MACROD2: variants seen among roughly 807,000 people sequenced by gnomAD.
The protein encoded by MACROD2 is mono-ADP ribosylhydrolase 2.
Under a neutral mutation model 70.4 loss-of-function variants are expected in MACROD2, and 36 were observed. That is an observed-to-expected ratio of 0.51 (90% confidence interval 0.39 to 0.68). MACROD2 has a LOEUF of 0.68. Ranked by LOEUF, MACROD2 falls within the 30% of genes least tolerant of loss-of-function variation. The pLI, the probability that MACROD2 is intolerant of heterozygous loss-of-function variation, is 0.00. For synonymous variants in MACROD2, 172 were observed against 178.8 expected, an observed-to-expected ratio of 0.96 and a Z score of 0.30; for missense variants, 496 against 538.4, an observed-to-expected ratio of 0.92 and a Z score of 0.78.
Position 14,602,236 on chromosome 20 carries a change from C to T in MACROD2, c.302-82607C>T, listed in dbSNP as rs144102800. On this transcript the variant is annotated intron_variant, in intron 4 of 17. Transcript: ENST00000684519. Reference sequence around the variant, plus strand: ...CAGCACATGAACCGAAGAGGCCAGGCTCCTCCCTTGCATGAGGCACAAATT... The same window carrying T: ...CAGCACATGAACCGAAGAGGCCAGGTTCCTCCCTTGCATGAGGCACAAATT... Among the ~76,000 whole-genome samples, 3 of 152,352 alleles carry T rather than the reference C, an allele frequency of 2.0e-5. No homozygotes were observed. The East Asian group carries it at 5.8e-4, about 29-fold the overall frequency.
At chr20:15,720,529 C>T (rs925124971) in intron 8 of MACROD2, among the ~76,000 whole-genome samples, 1 of 152,176 alleles carries the variant, frequency 6.6e-6, no homozygotes, top group Non-Finnish European at 1.5e-5. Flanking sequence ...CATCTTTACA[C>T]GCAACACATT....
rs1001394471 is a variant in MACROD2, at chr20:14,404,075, G to A, written c.272-89404G>A. On this transcript the variant is annotated intron_variant, in intron 3 of 17. Transcript: ENST00000684519. ...AATAATTGAAACTGTAGATCAGACC[G>A]TGGAATGAAAACATGAGTGAATTAG... Among the ~76,000 whole-genome samples, 3 of 152,062 alleles carry A rather than the reference G, an allele frequency of 2.0e-5. No homozygotes were observed. In the East Asian group the frequency reaches 5.8e-4, roughly 29 times the overall value.
At chr20:14,973,728 ATACT>A (rs1388258814) in intron 5 of MACROD2, among the ~76,000 whole-genome samples, 2 of 152,192 alleles carry the variant, frequency 1.3e-5, no homozygotes, top group Non-Finnish European at 2.9e-5. Flanking sequence ...CATTTAATAA[ATACT>A]TAATGTGTCC....
At chr20:14,868,349 G>A (rs1481084924) in intron 5 of MACROD2, among the ~76,000 whole-genome samples, 3 of 151,726 alleles carry the variant, frequency 2.0e-5, no homozygotes, top group Admixed American at 1.3e-4. Context: ...CACCACACCT[G>A]GCTAATGTTT....
intron 4 of MACROD2, among the ~76,000 whole-genome samples, chr20:14,523,034 T>C (rs1568652949): frequency 6.6e-6 from 1 of 152,208 alleles, no homozygotes. Flanking sequence ...CGATCTGTTA[T>C]TAACTATGCT....
intron 5 of MACROD2, among the ~76,000 whole-genome samples, chr20:15,134,083 T>G (rs1268658602): frequency 6.6e-6 from 1 of 150,378 alleles, no homozygotes; most frequent in East Asian, 2.0e-4. Flanking sequence ...ATTTTTTGCA[T>G]TTTTAGTAGA....
At chr20:15,605,153 A>T (rs2048875234) in intron 8 of MACROD2, among the ~76,000 whole-genome samples, 1 of 152,074 alleles carries the variant, frequency 6.6e-6, no homozygotes, top group Non-Finnish European at 1.5e-5. Context: ...AAATCTTTTC[A>T]CTTTCTTCTT....
At chr20:15,346,122 A>T (rs1369007946) in intron 6 of MACROD2, among the ~76,000 whole-genome samples, 1 of 151,094 alleles carries the variant, frequency 6.6e-6, no homozygotes, top group Non-Finnish European at 1.5e-5. Context: ...TTTTTTTTTT[A>T]AACAGGCCAC....
At chr20:14,416,174 G>C (rs543152718) in intron 3 of MACROD2, among the ~76,000 whole-genome samples, 1 of 152,206 alleles carries the variant, frequency 6.6e-6, no homozygotes, top group South Asian at 2.1e-4. Flanking sequence ...GGCCAGGATG[G>C]TCTCAATCTC....
intron 2 of MACROD2, among the ~76,000 whole-genome samples, chr20:14,084,652 C>A (rs1456276301): frequency 6.6e-6 from 1 of 151,822 alleles, no homozygotes; most frequent in Non-Finnish European, 1.5e-5. Flanking sequence ...CAGAAAGTAA[C>A]GTTTTTGGCT....
At chr20:15,233,983 T>TTATATATATATATA (rs1312226727) in intron 6 of MACROD2, among the ~76,000 whole-genome samples, 58 of 43,992 alleles carry the variant, frequency 1.3e-3, no homozygotes, top group Middle Eastern at 0.014. Context: ...ATATATTTAT[T>TTATATATATATATA]TATATATATA....
intron 10 of MACROD2, among the ~76,000 whole-genome samples, chr20:15,930,215 C>T (rs1381834264): frequency 6.6e-6 from 1 of 152,122 alleles, no homozygotes. Context: ...TTATGTGCTT[C>T]CTGTGACGAT....
intron 4 of MACROD2, among the ~76,000 whole-genome samples, chr20:14,500,244 G>A (rs1384645253): frequency 6.6e-6 from 1 of 152,236 alleles, no homozygotes; most frequent in East Asian, 1.9e-4. Flanking sequence ...AGTGAAAAGT[G>A]TTAGGGCAGA....
rs1650623546 is a variant in MACROD2 at position 14,326,336 on chromosome 20, T to C, written c.272-167143T>C. 6.2e-7 allele frequency: 1 copy of C among 1,613,812 alleles called. No individual in the cohort carries two copies. The highest frequency in any genetic ancestry group is 8.5e-7 in the Non-Finnish European group (1 of 1,179,878). On this transcript the variant is annotated intron_variant, in intron 3 of 17. Transcript: ENST00000684519. The surrounding 1 kb of genome is among the most constrained non-coding windows in gnomAD (Gnocchi z 5.5). Reference sequence around the variant, plus strand: ...TCCTTAGTGAGCTTGGGGTTCTTAATATCTGGCTGTTTGGTCACTGGAGCT... The same window carrying C: ...TCCTTAGTGAGCTTGGGGTTCTTAACATCTGGCTGTTTGGTCACTGGAGCT...
At chr20:15,527,750 T>G (rs910728013) in intron 8 of MACROD2, among the ~76,000 whole-genome samples, 2 of 152,174 alleles carry the variant, frequency 1.3e-5, no homozygotes, top group African/African-American at 4.8e-5. Flanking sequence ...AAAGGCAAAA[T>G]CCAAACACTG....
intron 8 of MACROD2, among the ~76,000 whole-genome samples, chr20:15,644,350 C>T (rs925897049): frequency 6.6e-6 from 1 of 152,120 alleles, no homozygotes; most frequent in African/African-American, 2.4e-5. Flanking sequence ...GACTGTGGAG[C>T]CAAGGTTGAA....
intron 5 of MACROD2, among the ~76,000 whole-genome samples, chr20:14,845,462 A>G (rs1036088990): frequency 6.6e-6 from 1 of 152,076 alleles, no homozygotes; most frequent in African/African-American, 2.4e-5. Context: ...TGTTTATTCA[A>G]TGTCCACCCT....
intron 4 of MACROD2, among the ~76,000 whole-genome samples, chr20:14,504,705 C>T (rs2084950346): frequency 6.6e-6 from 1 of 152,134 alleles, no homozygotes; most frequent in Non-Finnish European, 1.5e-5. Context: ...CTCCTTCTTT[C>T]TCAGTTTGAA....
At chr20:15,614,270 A>G (rs1203629852) in intron 8 of MACROD2, among the ~76,000 whole-genome samples, 3 of 152,192 alleles carry the variant, frequency 2.0e-5, no homozygotes, top group Admixed American at 6.5e-5. Flanking sequence ...TATCTATTCT[A>G]TTATCCATTT....
Sources: gnomAD v4.1 joint callset for allele counts (sites outside exome capture counted in the v4.1 genomes callset) on GRCh38, gnomAD v4.1.1 for gene constraint, Gnocchi (gnomAD v3.1) non-coding constraint, MANE v1.5 for transcripts, NCBI Gene and HGNC (gene_info 2026-07-23, HGNC 2026-07-21) for gene names.